The following TMCC3 variants were observed in gnomAD, a reference collection of about 807,000 sequenced individuals.
TMCC3 encodes transmembrane and coiled-coil domain family 3.
TMCC3 carries 28 observed loss-of-function variants against 40.2 expected under a neutral mutation model. The observed-to-expected ratio is 0.70, with a 90% CI of 0.52 to 0.95. The LOEUF (loss-of-function observed/expected upper bound fraction) is 0.95. Ranked by LOEUF, TMCC3 falls within the 40% of genes least tolerant of loss-of-function variation. The pLI, the probability that TMCC3 is intolerant of heterozygous loss-of-function variation, is 0.00. For missense variants in TMCC3, 554 were observed against 615.2 expected (o/e 0.90, Z 1.05); for synonymous variants, 255 against 248.5 (o/e 1.03, Z -0.25).
At chr12:94,609,780 C>CT (rs1393110198) in intron 1 of TMCC3, 1 of 152,250 alleles carries the variant, frequency 6.6e-6, no homozygotes, top group Non-Finnish European at 1.5e-5. Context: ...TTTCACTACA[C>CT]TATCCTCGGG....
At chr12:94,599,361 A>T (rs1169553006) in intron 1 of TMCC3, among the ~76,000 whole-genome samples, 2 of 152,100 alleles carry the variant, frequency 1.3e-5, no homozygotes, top group East Asian at 3.9e-4. Flanking sequence ...AGCTCTTTCA[A>T]CAGAAGCCAA....
rs936918598 is a variant in TMCC3 at position 94,634,198 on chromosome 12, G to T, written c.78+16155C>A. ...GACCTCAGGCAATCCGCCCGGCTGG[G>T]CCTCCCAAAGTGCTGGGATTACAGG... On this transcript the variant is annotated intron_variant, in intron 1 of 3. Coordinates refer to ENST00000261226, the MANE Select transcript of TMCC3 (RefSeq NM_020698.4). Among the ~76,000 whole-genome samples, 5 of 151,924 alleles carry T rather than the reference G, an allele frequency of 3.3e-5. No homozygotes were observed. In the South Asian group the frequency reaches 8.3e-4, roughly 25 times the overall value.
chr12:94,567,464 A>G lies in TMCC3; in HGVS notation c.*3971T>C, dbSNP rs1442118571. On this transcript the variant is annotated 3_prime_UTR_variant, in exon 4 of 4. Transcript: ENST00000261226. ...AAATTAAAATTGCAACACATAAATC[A>G]TTCCTAAAACAATCAAGGTGCATTA... is the stretch of plus-strand genomic sequence containing the variant. 6.6e-6 allele frequency: 1 copy of G among 152,228 alleles called. No homozygotes were observed. Among genetic ancestry groups the G allele is most frequent in the Admixed American group, 6.5e-5 (1 of 15,282 alleles). The allele number at this position is 152,228 out of a possible 1,614,324, so 9.4% of individuals were successfully genotyped here.
intron 1 of TMCC3, among the ~76,000 whole-genome samples, chr12:94,623,049 C>G (rs116717280): frequency 0.01 from 1,534 of 152,102 alleles, 29 homozygotes; most frequent in African/African-American, 0.034. Context: ...TCTAGGCAAG[C>G]TTTCTGAAAT....
intron 1 of TMCC3, among the ~76,000 whole-genome samples, chr12:94,600,810 C>T (rs1327727536): frequency 6.6e-6 from 1 of 152,180 alleles, no homozygotes; most frequent in African/African-American, 2.4e-5. Flanking sequence ...TAGGTGGGTT[C>T]CTCTTTGTTT....
At chr12:94,590,033 C>T (rs548625697) in intron 1 of TMCC3, among the ~76,000 whole-genome samples, 4 of 149,338 alleles carry the variant, frequency 2.7e-5, no homozygotes, top group African/African-American at 7.4e-5. Flanking sequence ...TTGAAATAAT[C>T]GTGGCTGTAA....
rs756875244 is a variant in TMCC3 at position 94,582,124 on chromosome 12, GA to G, written c.492del (p.Arg165AlafsTer3). ...TTCACGTGGGCATCTTTCAAAGAGCGATGTATATCCTTCAGGTGGTCTTTGG... is the reference window on the plus strand; with the variant it reads ...TTCACGTGGGCATCTTTCAAAGAGCGTGTATATCCTTCAGGTGGTCTTTGG... ...DISKDHLKDIHRSLKDAHVKS... is the reference protein window; with the variant it reads ...DISKDHLKDIXRSLKDAHVKS... On this transcript the variant is annotated frameshift_variant, in exon 2 of 4. Coordinates refer to ENST00000261226, the MANE Select transcript of TMCC3 (RefSeq NM_020698.4). LOFTEE classifies it high-confidence loss of function. 1 of 1,614,136 alleles carries G rather than the reference GA, an allele frequency of 6.2e-7. No individual in the cohort carries two copies. The highest frequency in any genetic ancestry group is 1.7e-5 in the Admixed American group (1 of 60,024).
Position 94,613,103 on chromosome 12 carries a change from TACAC to T in TMCC3, c.79-30569_79-30566del, listed in dbSNP as rs61688830. ...ATATATATACACACAATAAAATGGA[TACAC>T]ACACACACACACACACACATTGTGT... On this transcript the variant is annotated intron_variant, in intron 1 of 3. Coordinates refer to ENST00000261226, the MANE Select transcript of TMCC3 (RefSeq NM_020698.4). 5.2e-4 allele frequency among the ~76,000 whole-genome samples: 78 copies of T among 149,052 alleles called. 1 individual carries two copies. The Middle Eastern group carries it at 0.017, about 33-fold the overall frequency.
At chr12:94,617,288 G>A (rs888547782) in intron 1 of TMCC3, among the ~76,000 whole-genome samples, 4 of 152,174 alleles carry the variant, frequency 2.6e-5, no homozygotes, top group South Asian at 4.1e-4. Context: ...TGGTGACAGC[G>A]CCTTAGGCAA....
intron 1 of TMCC3, among the ~76,000 whole-genome samples, chr12:94,634,640 C>T (rs983202860): frequency 2.0e-5 from 3 of 152,178 alleles, no homozygotes; most frequent in Non-Finnish European, 4.4e-5. Flanking sequence ...CCTACCCAAA[C>T]AATAAAAGCA....
chr12:94,625,007 T>G (rs944101161), intron 1 of TMCC3, among the ~76,000 whole-genome samples: 2 of 151,572 alleles, frequency 1.3e-5, no homozygotes, highest in South Asian at 2.1e-4. Context: ...CTGGGTGTGG[T>G]GACACACCCC....
intron 1 of TMCC3, among the ~76,000 whole-genome samples, chr12:94,610,872 A>C (rs2068812197): frequency 1.3e-5 from 2 of 152,200 alleles, no homozygotes; most frequent in South Asian, 4.1e-4. Flanking sequence ...TGTCTTAAGA[A>C]CTGTGGATGG....
intron 1 of TMCC3, chr12:94,610,107 T>C (rs557976621): frequency 2.9e-4 from 44 of 152,150 alleles, no homozygotes; most frequent in African/African-American, 1.0e-3. Flanking sequence ...AAACACCACC[T>C]CGAATGGATA....
intron 1 of TMCC3, among the ~76,000 whole-genome samples, chr12:94,641,931 T>C (rs2068993443): frequency 1.3e-5 from 2 of 151,272 alleles, no homozygotes; most frequent in South Asian, 2.1e-4. Context: ...TATATATTTA[T>C]ATATATATTA....
chr12:94,603,264 T>C (rs554092794), intron 1 of TMCC3, among the ~76,000 whole-genome samples: 50 of 152,172 alleles, frequency 3.3e-4, no homozygotes, highest in African/African-American at 1.2e-3. Context: ...TTTTTATTTT[T>C]AGTAGAGATG....
At chr12:94,589,982 G>A (rs534441595) in intron 1 of TMCC3, among the ~76,000 whole-genome samples, 2 of 152,192 alleles carry the variant, frequency 1.3e-5, no homozygotes, top group African/African-American at 2.4e-5. Context: ...TCTGGGCTTC[G>A]TTTAGACTAC....
intron 1 of TMCC3, among the ~76,000 whole-genome samples, chr12:94,636,555 T>C (rs190794673): frequency 6.6e-6 from 1 of 152,372 alleles, no homozygotes; most frequent in Admixed American, 6.5e-5. Flanking sequence ...CATTATGTTA[T>C]ATGGAAAAAT....
chr12:94,614,934 G>A (rs2068839655), intron 1 of TMCC3, among the ~76,000 whole-genome samples: 1 of 151,648 alleles, frequency 6.6e-6, no homozygotes, highest in Non-Finnish European at 1.5e-5. Context: ...GCTAATTTTT[G>A]TATTTTAAAC....
intron 1 of TMCC3, among the ~76,000 whole-genome samples, chr12:94,599,241 A>T (rs924348821): frequency 1.3e-5 from 2 of 152,212 alleles, no homozygotes; most frequent in Non-Finnish European, 2.9e-5. Flanking sequence ...TGTACAGAGT[A>T]AGTGCTATAA....
Sources: gnomAD v4.1 joint callset for allele counts (sites outside exome capture counted in the v4.1 genomes callset) on GRCh38, gnomAD v4.1.1 for gene constraint, MANE v1.5 for transcripts, NCBI Gene and HGNC (gene_info 2026-07-23, HGNC 2026-07-21) for gene names.